ARL3: variants seen among roughly 807,000 people sequenced by gnomAD.
ARL3 encodes ADP-ribosylation factor-like protein 3.
Under a neutral mutation model 26.0 loss-of-function variants are expected in ARL3, and 9 were observed. That is an observed-to-expected ratio of 0.35 (90% CI 0.21 to 0.60). The LOEUF (loss-of-function observed/expected upper bound fraction) is 0.60. Ranked by LOEUF, ARL3 falls within the 20% of genes least tolerant of loss-of-function variation. The pLI is 0.78. For synonymous variants in ARL3, 71 were observed against 78.4 expected, an observed-to-expected ratio of 0.91 and a Z score of 0.50; for missense variants, 158 against 215.7, an observed-to-expected ratio of 0.73 and a Z score of 1.67.
chr10:102,713,225 CA>C (rs1247214052), intron 1 of ARL3, among the ~76,000 whole-genome samples: 4 of 152,054 alleles, frequency 2.6e-5, no homozygotes, highest in Non-Finnish European at 5.9e-5. Context: ...TTTAAGTGTT[CA>C]AAATCAATTT....
chr10:102,704,052 G>A (rs2064295426), intron 2 of ARL3, among the ~76,000 whole-genome samples: 1 of 149,610 alleles, frequency 6.7e-6, no homozygotes. Flanking sequence ...TTGGGAGGCT[G>A]AGGCAGGAGA....
intron 5 of ARL3, among the ~76,000 whole-genome samples, chr10:102,683,764 C>A (rs1241789457): frequency 2.0e-5 from 3 of 152,136 alleles, no homozygotes; most frequent in Non-Finnish European, 4.4e-5. Context: ...GGTGGTTACA[C>A]AGCCAGGAGC....
chr10:102,678,943 G>A (rs959202046), intron 5 of ARL3, among the ~76,000 whole-genome samples: 14 of 152,252 alleles, frequency 9.2e-5, no homozygotes, highest in African/African-American at 3.1e-4. Flanking sequence ...AACAGAGGGC[G>A]CACAGAGGCC....
In ARL3 at chr10:102,714,356, G is replaced by A. The variant is rs1165366333; in HGVS notation, c.-81C>T. ...GGGCAACTGCTGCGGCGCCGCCCCC[G>A]ACGTCCCTCGCACGCACAGCTGAGG... On this transcript the variant is annotated 5_prime_UTR_variant, in exon 1 of 6. Transcript: ENST00000260746. The A allele has an allele frequency of 3.4e-5, 42 of 1,250,170 alleles. No homozygotes were observed. The highest frequency in any genetic ancestry group is 3.2e-5 in the Non-Finnish European group (31 of 981,396). The allele number at this position is 1,250,170 out of a possible 1,614,324, so 77.4% of individuals were successfully genotyped here.
At chr10:102,693,066 T>C (rs1423238888) in intron 3 of ARL3, among the ~76,000 whole-genome samples, 3 of 152,232 alleles carry the variant, frequency 2.0e-5, no homozygotes, top group African/African-American at 7.2e-5. Context: ...TATACGGGTG[T>C]ACCACAGTTT....
intron 4 of ARL3, among the ~76,000 whole-genome samples, chr10:102,688,685 T>C (rs766474703): frequency 2.0e-5 from 3 of 151,942 alleles, no homozygotes; most frequent in Non-Finnish European, 4.4e-5. Flanking sequence ...GTGTTTTTAG[T>C]AGAGACAGGG....
intron 3 of ARL3, 107 bp downstream of exon 3, chr10:102,699,266 T>C: frequency 1.3e-6 from 1 of 763,568 alleles, no homozygotes; most frequent in Non-Finnish European, 2.3e-6. Context: ...TCACAGTGAT[T>C]AATGTTATGG....
At chr10:102,692,898 G>A (rs538460895) in intron 3 of ARL3, among the ~76,000 whole-genome samples, 17 of 152,184 alleles carry the variant, frequency 1.1e-4, no homozygotes, top group Admixed American at 4.6e-4. Flanking sequence ...GGGTTTCACC[G>A]TGTTAGCCAG....
At chr10:102,687,926 C>CGTGTGTGTGTGTGT (rs150375198) in intron 4 of ARL3, among the ~76,000 whole-genome samples, 1 of 151,420 alleles carries the variant, frequency 6.6e-6, no homozygotes, top group Non-Finnish European at 1.5e-5. Context: ...ACTTTCAATG[C>CGTGTGTGTGTGTGT]GTGTGTGTGT....
Position 102,714,278 on chromosome 10 carries a change from T to C in ARL3, c.-3A>G. On this transcript the variant is annotated 5_prime_UTR_variant, in exon 1 of 6. Transcript: ENST00000260746. ...GCCCAGGCCCCCACACTCACCATCC[T>C]CCCGCCGAGTCCCTCCTCCTCCTCC... is the stretch of plus-strand genomic sequence containing the variant. The C allele has an allele frequency of 1.5e-6, 2 of 1,310,424 alleles. No homozygotes were observed. Among genetic ancestry groups the C allele is most frequent in the Non-Finnish European group, 2.0e-6 (2 of 1,021,518 alleles). The allele number at this position is 1,310,424 out of a possible 1,614,324, so 81.2% of individuals were successfully genotyped here. A position where few individuals can be genotyped will look rare whatever the true frequency, so the allele number is the denominator to read the frequency against.
intron 5 of ARL3, among the ~76,000 whole-genome samples, chr10:102,679,305 C>T (rs1325472062): frequency 6.6e-6 from 1 of 152,200 alleles, no homozygotes; most frequent in African/African-American, 2.4e-5. Flanking sequence ...GCCCAAGCTC[C>T]CCTAGGGGAG....
rs763678922 is a variant in ARL3 at position 102,699,482 on chromosome 10, T to C, written c.155A>G (p.Asn52Ser). 7.1e-5 allele frequency: 113 copies of C among 1,593,910 alleles called. No homozygotes were observed. Among genetic ancestry groups the C allele is most frequent in the Admixed American group, 1.2e-4 (7 of 58,666 alleles). ...ACCTTGTGATTGTACACTTTTGATG[T>C]TGAAACCCTGAAACAGGGACAAAAA... ...ISHITPTQGFNIKSVQSQGFK... is the reference protein window; with the variant it reads ...ISHITPTQGFSIKSVQSQGFK... Residue 52 changes from asparagine to serine, a missense_variant, in exon 3 of 6, where the codon AAC (asparagine) becomes AGC (serine). Physicochemically the swap from Asn to Ser is conservative, Grantham distance 46. Transcript: ENST00000260746.
intron 3 of ARL3, among the ~76,000 whole-genome samples, chr10:102,692,856 C>T (rs942947396): frequency 2.6e-5 from 4 of 152,164 alleles, no homozygotes; most frequent in African/African-American, 4.8e-5. Context: ...ACTACAGGCG[C>T]CCGCCGGCAC....
At chr10:102,685,258 A>T in intron 5 of ARL3, among the ~76,000 whole-genome samples, 1 of 150,880 alleles carries the variant, frequency 6.6e-6, no homozygotes, top group Admixed American at 6.6e-5. Context: ...TCAAAAAAAA[A>T]AAAAAAAAAA....
Position 102,694,762 on chromosome 10 carries a change from A to T in ARL3, c.264+4611T>A, listed in dbSNP as rs945095467. ...AGACGGAGTTTCACACTTGTTGCCCAGGCTGGAGTGCAATGGTGCAATCTC... is the reference window on the plus strand; with the variant it reads ...AGACGGAGTTTCACACTTGTTGCCCTGGCTGGAGTGCAATGGTGCAATCTC... On this transcript the variant is annotated intron_variant, in intron 3 of 5. Coordinates refer to ENST00000260746, the MANE Select transcript of ARL3 (RefSeq NM_004311.4). Among the ~76,000 whole-genome samples, 7 of 151,946 alleles carry T rather than the reference A, an allele frequency of 4.6e-5. No individual in the cohort carries two copies. The South Asian group carries it at 6.2e-4, about 14-fold the overall frequency.
chr10:102,690,747 C>T lies in ARL3; in HGVS notation c.265-804G>A, dbSNP rs192324737. Among the ~76,000 whole-genome samples the T allele has an allele frequency of 1.2e-3, 185 of 152,172 alleles. 2 individuals are homozygous for T. Among genetic ancestry groups the T allele is most frequent in the African/African-American group, 4.4e-3 (181 of 41,506 alleles). On this transcript the variant is annotated intron_variant, in intron 3 of 5. Transcript: ENST00000260746. ...AAGAGAAATGGAAGATACCCTATCC[C>T]CTCCCTTCCATCACACTTCAAGTTT...
intron 3 of ARL3, among the ~76,000 whole-genome samples, chr10:102,694,145 G>A (rs1341675807): frequency 1.3e-5 from 2 of 152,012 alleles, no homozygotes; most frequent in South Asian, 2.1e-4. Flanking sequence ...CTGCCACCGC[G>A]CCCGGCTAAT....
At position 102,676,544 on chromosome 10, in the gene ARL3, T is replaced by C. The variant is rs541771688; in HGVS notation, c.*350A>G. Reference sequence around the variant, plus strand: ...TCTTCCTCTTTTTCTTTTTCTTTTTTTTTTTTTGAGAGGAAAAAAAAGCCC... The same window carrying C: ...TCTTCCTCTTTTTCTTTTTCTTTTTCTTTTTTTGAGAGGAAAAAAAAGCCC... On this transcript the variant is annotated 3_prime_UTR_variant, in exon 6 of 6. Transcript: ENST00000260746. 2 of 170,544 alleles carry C rather than the reference T, an allele frequency of 1.2e-5. No homozygotes were observed. The highest frequency in any genetic ancestry group is 1.7e-4 in the East Asian group (1 of 5,720). 10.6% of individuals were successfully genotyped at this position (170,544 alleles called of 1,614,324 possible). A position where few individuals can be genotyped will look rare whatever the true frequency, so the allele number is the denominator to read the frequency against.
At chr10:102,710,459 C>T (rs2064332414) in intron 1 of ARL3, among the ~76,000 whole-genome samples, 2 of 152,180 alleles carry the variant, frequency 1.3e-5, no homozygotes, top group African/African-American at 4.8e-5. Flanking sequence ...TTTATTTTAA[C>T]TGTCAAATGA....
Sources: gnomAD v4.1 joint callset for allele counts (sites outside exome capture counted in the v4.1 genomes callset) on GRCh38, gnomAD v4.1.1 for gene constraint, MANE v1.5 for transcripts, NCBI Gene and HGNC (gene_info 2026-07-23, HGNC 2026-07-21) for gene names.